The following USH2A variants were observed in gnomAD, a reference collection of about 807,000 sequenced individuals.
The protein encoded by USH2A is usherin, also known as Usher syndrome 2A (autosomal recessive, mild).
Under a neutral mutation model 538.9 loss-of-function variants are expected in USH2A, and 443 were observed. The ratio of observed to expected loss-of-function variants is 0.82; its 90% CI spans 0.76 to 0.89. The LOEUF is 0.89. USH2A is among the 40% of genes least tolerant of loss of function. The pLI, the probability that USH2A is intolerant of heterozygous loss-of-function variation, is 0.00. For missense variants in USH2A, 6,633 were observed against 6,324.8 expected, an observed-to-expected ratio of 1.05 and a Z score of -1.65; for synonymous variants, 2,413 against 2,273.5, an observed-to-expected ratio of 1.06 and a Z score of -1.75.
At chr1:216,360,589 C>T (rs949852318) in intron 4 of USH2A, among the ~76,000 whole-genome samples, 68 of 152,008 alleles carry the variant, frequency 4.5e-4, no homozygotes, top group African/African-American at 1.3e-3. Flanking sequence ...TACCATATAC[C>T]GCTCTGGTGA....
chr1:216,261,237 T>C (rs909876482), intron 11 of USH2A, among the ~76,000 whole-genome samples: 5 of 151,750 alleles, frequency 3.3e-5, no homozygotes, highest in Non-Finnish European at 7.4e-5. Flanking sequence ...CCCCAGAAGA[T>C]AAAAGTTGCA....
chr1:215,803,418 A>G (rs1238074220), intron 49 of USH2A, among the ~76,000 whole-genome samples: 1 of 152,212 alleles, frequency 6.6e-6, no homozygotes, highest in Non-Finnish European at 1.5e-5. Context: ...TTAAGCTGAT[A>G]GGCAACTTCA....
intron 54 of USH2A, 30 bp from the exon 55 acceptor site, chr1:215,780,071 A>T: frequency 6.2e-7 from 1 of 1,610,648 alleles, no homozygotes; most frequent in Admixed American, 1.7e-5. Flanking sequence ...GCAGCAATTT[A>T]TTGTAATAGT....
intron 61 of USH2A, among the ~76,000 whole-genome samples, chr1:215,693,376 C>T (rs1658687850): frequency 6.6e-6 from 1 of 152,020 alleles, no homozygotes; most frequent in African/African-American, 2.4e-5. Flanking sequence ...CCCATTTCAT[C>T]TTCACATGAA....
At chr1:216,253,112 G>C (rs909905556) in intron 11 of USH2A, among the ~76,000 whole-genome samples, 1 of 151,258 alleles carries the variant, frequency 6.6e-6, no homozygotes, top group East Asian at 1.9e-4. Flanking sequence ...AGAAATAAAA[G>C]TGCAAAACCT....
At chr1:216,035,328 C>T (rs2102515049) in intron 32 of USH2A, among the ~76,000 whole-genome samples, 1 of 152,164 alleles carries the variant, frequency 6.6e-6, no homozygotes, top group Non-Finnish European at 1.5e-5. Context: ...CAGATAAGCA[C>T]ACAGGGAAAA....
chr1:216,346,018 G>A lies in USH2A; in HGVS notation c.785-18364C>T, dbSNP rs181020405. Among the ~76,000 whole-genome samples the A allele has an allele frequency of 5.9e-5, 9 of 152,152 alleles. No homozygotes were observed. The East Asian group carries it at 1.6e-3, about 26-fold the overall frequency. On this transcript the variant is annotated intron_variant, in intron 4 of 71. Coordinates refer to ENST00000307340, the MANE Select transcript of USH2A (RefSeq NM_206933.4). ...TTTCACAATGGTGACCCAGGTTCAGGGTTCAATTCCCAGCTTAGGGAATGA... is the reference window on the plus strand; with the variant it reads ...TTTCACAATGGTGACCCAGGTTCAGAGTTCAATTCCCAGCTTAGGGAATGA...
At chr1:215,959,150 T>C in intron 37 of USH2A, among the ~76,000 whole-genome samples, 1 of 142,838 alleles carries the variant, frequency 7.0e-6, no homozygotes, top group Admixed American at 6.9e-5. Flanking sequence ...AATATGTATA[T>C]ATTATAGAAT....
At position 216,200,063 on chromosome 1, in the gene USH2A, A is replaced by C. The variant is rs143319658; in HGVS notation, c.3375T>G (p.Ile1125Met). Residue 1125 changes from isoleucine to methionine, a missense_variant, in exon 17 of 72, where the codon ATT becomes ATG. By Grantham distance (10) the Ile-to-Met change is conservative. Transcript: ENST00000307340. Reference sequence around the variant, plus strand: ...TTGAACCATGCACATTGGTGGTCTCAATGTAATAGGAATATTTGGTATATG... The same window carrying C: ...TTGAACCATGCACATTGGTGGTCTCCATGTAATAGGAATATTTGGTATATG... ...LLPYTKYSYY[I>M]ETTNVHGSTR... The C allele has an allele frequency of 4.0e-5, 65 of 1,613,210 alleles. No homozygotes were observed. The Middle Eastern group carries it at 1.5e-3, about 37-fold the overall frequency.
At chr1:215,644,640 G>T (rs1449006984) in intron 67 of USH2A, among the ~76,000 whole-genome samples, 1 of 152,182 alleles carries the variant, frequency 6.6e-6, no homozygotes, top group Non-Finnish European at 1.5e-5. Context: ...AACATTGAAA[G>T]TTCAGTTGCG....
chr1:216,054,124 A>G (rs934993636), intron 30 of USH2A, among the ~76,000 whole-genome samples: 4 of 152,188 alleles, frequency 2.6e-5, no homozygotes, highest in Admixed American at 2.0e-4. Context: ...AGCTATTAGT[A>G]TGGTTTACCA....
intron 43 of USH2A, among the ~76,000 whole-genome samples, chr1:215,871,944 A>G (rs2102445136): frequency 6.6e-6 from 1 of 152,360 alleles, no homozygotes; most frequent in Non-Finnish European, 1.5e-5. Context: ...AAAATTCTTC[A>G]GGGCAGCTGC....
At position 215,838,113 on chromosome 1, in the gene USH2A, T is replaced by C; in HGVS notation, c.9259-10A>G. On this transcript the variant is annotated splice_polypyrimidine_tract_variant and intron_variant, in intron 46 of 71. Coordinates refer to ENST00000307340, the MANE Select transcript of USH2A (RefSeq NM_206933.4). The stretch of plus-strand genomic sequence containing the variant: ...TTGTGCAGACTTCAACCTGCAAACA[T>C]TAGTTTAGAAAAAATAAATGCAACC... 1 of 1,607,220 alleles carries C rather than the reference T, an allele frequency of 6.2e-7. No homozygotes were observed. Among genetic ancestry groups the C allele is most frequent in the Non-Finnish European group, 8.5e-7 (1 of 1,173,758 alleles).
intron 21 of USH2A, among the ~76,000 whole-genome samples, chr1:216,137,622 T>G (rs115111154): frequency 0.051 from 7,695 of 152,260 alleles, 279 homozygotes; most frequent in Middle Eastern, 0.11. Flanking sequence ...AGGAGAAAGA[T>G]GCAGGCTGGG....
intron 14 of USH2A, among the ~76,000 whole-genome samples, chr1:216,227,814 A>G (rs1201173680): frequency 6.6e-6 from 1 of 152,170 alleles, no homozygotes; most frequent in African/African-American, 2.4e-5. Flanking sequence ...GGGGAAAGAA[A>G]GTAAATTGAT....
chr1:215,971,310 C>T (rs2102458940), intron 35 of USH2A, among the ~76,000 whole-genome samples: 1 of 152,256 alleles, frequency 6.6e-6, no homozygotes, highest in East Asian at 1.9e-4. Context: ...TGGCTTCCTA[C>T]TGCACATTGT....
rs750714502 is a variant in USH2A, at chr1:216,255,031, T to C, written c.1972-3933A>G. ...ACTTCTGAGCTTTCTTTTACTAACA[T>C]GGAAGGAAATACAGATAAAGCAGTA... is the stretch of plus-strand genomic sequence containing the variant. On this transcript the variant is annotated intron_variant, in intron 11 of 71. Coordinates refer to ENST00000307340, the MANE Select transcript of USH2A (RefSeq NM_206933.4). Among the ~76,000 whole-genome samples the C allele has an allele frequency of 9.2e-5, 14 of 152,304 alleles. No individual in the cohort carries two copies. In the South Asian group the frequency reaches 2.3e-3, roughly 25 times the overall value.
At chr1:216,281,306 CT>C (rs2036771165) in intron 11 of USH2A, among the ~76,000 whole-genome samples, 1 of 151,928 alleles carries the variant, frequency 6.6e-6, no homozygotes, top group African/African-American at 2.4e-5. Context: ...GAAAATTCTC[CT>C]TTTTTTCTGA....
chr1:216,098,333 C>T (rs990343480), intron 21 of USH2A, among the ~76,000 whole-genome samples: 9 of 152,136 alleles, frequency 5.9e-5, no homozygotes, highest in Admixed American at 2.0e-4. Flanking sequence ...CCTGTGGAAT[C>T]AAATAAGAGC....
Sources: gnomAD v4.1 joint callset for allele counts (sites outside exome capture counted in the v4.1 genomes callset) on GRCh38, gnomAD v4.1.1 for gene constraint, MANE v1.5 for transcripts, NCBI Gene and HGNC (gene_info 2026-07-23, HGNC 2026-07-21) for gene names.